Variants in ZNF804B observed in about 807,000 individuals in gnomAD.
The protein encoded by ZNF804B is zinc finger protein 804B.
ZNF804B carries 80 observed loss-of-function variants against 101.4 expected under a neutral mutation model. The observed-to-expected ratio is 0.79, with a 90% CI of 0.66 to 0.95. The LOEUF (loss-of-function observed/expected upper bound fraction) is 0.95, where lower values mean the gene tolerates loss of function less well. Among genes scored for constraint, ZNF804B ranks in the 40% least tolerant of loss-of-function variants. The pLI, the probability that ZNF804B is intolerant of heterozygous loss-of-function variation, is 0.00. For synonymous variants in ZNF804B, 622 were observed against 558.8 expected (o/e 1.11, Z -1.59); for missense variants, 1,673 against 1,561.9 (o/e 1.07, Z -1.20).
At chr7:89,029,235 C>T (rs1788794854) in intron 1 of ZNF804B, among the ~76,000 whole-genome samples, 1 of 152,104 alleles carries the variant, frequency 6.6e-6, no homozygotes, top group African/African-American at 2.4e-5. Context: ...TCCCGAGTAG[C>T]TGGGATTACA....
chr7:89,227,249 C>T (rs1180330868), intron 2 of ZNF804B, among the ~76,000 whole-genome samples: 1 of 152,174 alleles, frequency 6.6e-6, no homozygotes, highest in African/African-American at 2.4e-5. Context: ...TCTACCCTCG[C>T]AGTTGATTTA....
At chr7:89,074,198 T>A (rs891302278) in intron 1 of ZNF804B, among the ~76,000 whole-genome samples, 1 of 152,224 alleles carries the variant, frequency 6.6e-6, no homozygotes, top group African/African-American at 2.4e-5. Flanking sequence ...TTGAGTTGAA[T>A]TTCTTGTAAA....
chr7:88,870,333 C>T (rs1007662586), intron 1 of ZNF804B, among the ~76,000 whole-genome samples: 74 of 134,314 alleles, frequency 5.5e-4, no homozygotes, highest in Non-Finnish European at 8.6e-4. Context: ...TGCAGTGAGT[C>T]GAGATCGCGC....
At chr7:88,990,683 G>A (rs1793832102) in intron 1 of ZNF804B, among the ~76,000 whole-genome samples, 1 of 152,020 alleles carries the variant, frequency 6.6e-6, no homozygotes, top group South Asian at 2.1e-4. Flanking sequence ...ACAGAGTAAA[G>A]GTGAAGAATT....
chr7:89,298,183 G>A (rs1211296713), intron 2 of ZNF804B, among the ~76,000 whole-genome samples: 3 of 116,368 alleles, frequency 2.6e-5, no homozygotes, highest in Non-Finnish European at 5.2e-5. Context: ...TATATATAGT[G>A]TGTATATATA....
intron 2 of ZNF804B, among the ~76,000 whole-genome samples, chr7:89,301,372 C>T (rs1427306491): frequency 6.6e-6 from 1 of 151,626 alleles, no homozygotes; most frequent in East Asian, 1.9e-4. Flanking sequence ...GCTGATGTGA[C>T]TCATTATTTT....
intron 2 of ZNF804B, among the ~76,000 whole-genome samples, chr7:89,307,591 G>T (rs762584630): frequency 3.3e-4 from 50 of 151,908 alleles, no homozygotes; most frequent in Non-Finnish European, 6.2e-4. Flanking sequence ...AAGAGATTTT[G>T]CATTAACTAA....
intron 2 of ZNF804B, among the ~76,000 whole-genome samples, chr7:89,302,063 T>C (rs1790483099): frequency 9.7e-6 from 1 of 103,408 alleles, no homozygotes. Flanking sequence ...TGCTGTTATA[T>C]ATATTATGAG....
chr7:88,858,864 G>A (rs1013175811), intron 1 of ZNF804B, among the ~76,000 whole-genome samples: 45 of 151,972 alleles, frequency 3.0e-4, no homozygotes, highest in Non-Finnish European at 1.0e-4. Flanking sequence ...AATATTTTCT[G>A]ACTTTTTGTT....
At chr7:89,224,443 T>G (rs1187917354) in intron 2 of ZNF804B, among the ~76,000 whole-genome samples, 1 of 152,032 alleles carries the variant, frequency 6.6e-6, no homozygotes, top group African/African-American at 2.4e-5. Context: ...TACCCCAAAA[T>G]TGCTAAAAGA....
chr7:89,081,287 G>C (rs1329873408), intron 1 of ZNF804B, among the ~76,000 whole-genome samples: 1 of 151,774 alleles, frequency 6.6e-6, no homozygotes, highest in Admixed American at 6.6e-5. Context: ...TATTAGGCAG[G>C]GTAAGTACTG....
At chr7:89,055,838 A>G (rs573090086) in intron 1 of ZNF804B, among the ~76,000 whole-genome samples, 9 of 152,180 alleles carry the variant, frequency 5.9e-5, no homozygotes, top group African/African-American at 2.2e-4. Flanking sequence ...AATTATGCAG[A>G]TTCATTTCCT....
intron 1 of ZNF804B, among the ~76,000 whole-genome samples, chr7:89,033,390 C>G (rs531864782): frequency 1.3e-5 from 2 of 152,226 alleles, no homozygotes; most frequent in South Asian, 4.1e-4. Flanking sequence ...GATTTCATGA[C>G]TTGGTTATTA....
chr7:89,221,251 A>G (rs188075799), intron 2 of ZNF804B, among the ~76,000 whole-genome samples: 6 of 152,118 alleles, frequency 3.9e-5, no homozygotes, highest in Admixed American at 1.3e-4. Context: ...TATATTAGAT[A>G]GATTACGTCT....
chr7:88,811,628 A>C (rs1221923268), intron 1 of ZNF804B, among the ~76,000 whole-genome samples: 1 of 152,210 alleles, frequency 6.6e-6, no homozygotes, highest in Non-Finnish European at 1.5e-5. Flanking sequence ...ATACACCTGG[A>C]GTACTATGCA....
intron 1 of ZNF804B, among the ~76,000 whole-genome samples, chr7:88,787,798 G>C (rs1331417479): frequency 6.6e-6 from 1 of 152,108 alleles, no homozygotes; most frequent in Non-Finnish European, 1.5e-5. Context: ...TGGCTCTCTT[G>C]ATTAAACCTT....
chr7:88,998,092 A>G (rs1788226762), intron 1 of ZNF804B, among the ~76,000 whole-genome samples: 1 of 151,806 alleles, frequency 6.6e-6, no homozygotes, highest in Non-Finnish European at 1.5e-5. Context: ...CTGTCACCTT[A>G]TGTTTCTATC....
intron 1 of ZNF804B, among the ~76,000 whole-genome samples, chr7:89,034,328 T>C (rs988682845): frequency 6.6e-6 from 1 of 152,142 alleles, no homozygotes; most frequent in Non-Finnish European, 1.5e-5. Flanking sequence ...GTTTGTTACA[T>C]AGGTATACAT....
intron 1 of ZNF804B, among the ~76,000 whole-genome samples, chr7:88,941,078 A>G (rs1318552551): frequency 6.6e-6 from 1 of 151,990 alleles, no homozygotes; most frequent in Non-Finnish European, 1.5e-5. Flanking sequence ...GCTATTTAAT[A>G]TTATTATAGC....
Sources: allele counts gnomAD v4.1 joint callset (sites outside exome capture counted in the v4.1 genomes callset), GRCh38; gene constraint gnomAD v4.1.1; transcripts MANE v1.5; gene names NCBI Gene and HGNC (gene_info 2026-07-23, HGNC 2026-07-21).